Variants in TOP3B observed in about 807,000 individuals in gnomAD.
TOP3B encodes DNA topoisomerase III beta, also known as DNA topoisomerase 3-beta-1.
Under a neutral mutation model 93.9 loss-of-function variants are expected in TOP3B, and 45 were observed. The observed-to-expected ratio is 0.48, with a 90% CI of 0.38 to 0.61. TOP3B has a LOEUF of 0.61. Among genes scored for constraint, TOP3B ranks in the 20% least tolerant of loss-of-function variants. The pLI is 0.00. For missense variants in TOP3B, 750 were observed against 1,156.1 expected (o/e 0.65, Z 5.09); for synonymous variants, 357 against 472.6 (o/e 0.76, Z 3.17).
Position 21,982,157 on chromosome 22 carries a change from C to T in TOP3B, c.-99+573G>A, listed in dbSNP as rs1319468778. The T allele has an allele frequency of 2.0e-5, 3 of 152,132 alleles. No individual in the cohort carries two copies. In the East Asian group the frequency reaches 5.8e-4, roughly 29 times the overall value. The allele number at this position is 152,132 out of a possible 1,614,324, so 9.4% of individuals were successfully genotyped here. ...TAGGCTGGCCTCTCAGGTCCTGTTT[C>T]AAAAGGTGAGAAGATAAAAAGGCAA... On this transcript the variant is annotated intron_variant, in intron 1 of 17. Transcript: ENST00000357179.
intron 6 of TOP3B, chr22:21,968,980 A>G (rs1345828089): frequency 3.5e-6 from 2 of 569,410 alleles, no homozygotes; most frequent in East Asian, 2.9e-5. Context: ...CCAGTGAGAG[A>G]GGAGACAGAG....
intron 3 of TOP3B, 65 bp from the exon 4 acceptor site, chr22:21,972,783 G>A: frequency 2.2e-6 from 3 of 1,338,708 alleles, no homozygotes; most frequent in Non-Finnish European, 3.2e-6. Flanking sequence ...CATAACCCCA[G>A]GAGGATGTTG....
rs1209749410 is a variant in TOP3B at position 21,960,379 on chromosome 22, C to T, written c.1596G>A (p.Gly532=). Residue 532 remains glycine, a synonymous_variant, in exon 14 of 18, where the codon GGG becomes GGA. Transcript: ENST00000357179. ...CGAGGTTGGTGGGCTTGAGCCGGCG[C>T]CCGCTCTCCACCGTGACATAGTTGC... ...CQRNYVTVES[G]RRLKPTNLGI... 5 of 1,613,556 alleles carry T rather than the reference C, an allele frequency of 3.1e-6. No individual in the cohort carries two copies. In the East Asian group the frequency reaches 8.9e-5, roughly 29 times the overall value.
Position 21,962,734 on chromosome 22 carries a change from C to T in TOP3B, c.1351+13G>A. On this transcript the variant is annotated intron_variant, in intron 12 of 17. Transcript: ENST00000357179. ...GAAGGCACAGAGGAGGAAGGCTGGG[C>T]CCGTGGTGTGACCTGGTGAGAGGAC... The T allele has an allele frequency of 6.2e-7, 1 of 1,614,090 alleles. No homozygotes were observed. The highest frequency in any genetic ancestry group is 8.5e-7 in the Non-Finnish European group (1 of 1,179,992).
chr22:21,969,058 C>A, intron 6 of TOP3B: 1 of 362,588 alleles, frequency 2.8e-6, no homozygotes, highest in Non-Finnish European at 5.1e-6. Context: ...CCTCAGGACC[C>A]CCAGAGCACA....
Position 21,962,769 on chromosome 22 carries a change from G to A in TOP3B, c.1329C>T (p.Ser443=), listed in dbSNP as rs756273880. 1.4e-5 allele frequency: 22 copies of A among 1,614,036 alleles called. No homozygotes were observed. The highest frequency in any genetic ancestry group is 8.8e-5 in the South Asian group (8 of 91,082). Residue 443 remains serine (S), a synonymous_variant, in exon 12 of 18, where the codon TCC becomes TCT. Transcript: ENST00000357179. The part of the protein sequence containing the change: ...FRIGPELFTC[S]GKTVLSPGFT... ...GACCTGGTGAGAGGACGGTCTTCCCGGAGCAGGTGAAGAGCTCGGGCCCAA... is the reference window on the plus strand; with the variant it reads ...GACCTGGTGAGAGGACGGTCTTCCCAGAGCAGGTGAAGAGCTCGGGCCCAA...
chr22:21,974,531 G>A, intron 2 of TOP3B, 43 bp from the exon 3 acceptor site: 3 of 1,550,544 alleles, frequency 1.9e-6, no homozygotes, highest in South Asian at 1.2e-5. Context: ...CTTCAGCTGA[G>A]CTGAAGACCC....
chr22:21,973,700 G>C (rs2071741791), intron 3 of TOP3B: 1 of 152,212 alleles, frequency 6.6e-6, no homozygotes, highest in South Asian at 2.1e-4. Context: ...AAGAACAAGG[G>C]CTGAGGCTTT....
At position 21,970,944 on chromosome 22, in the gene TOP3B, C is replaced by T; in HGVS notation, c.385-538G>A. The T allele has an allele frequency of 8.5e-7, 1 of 1,169,818 alleles. No individual in the cohort carries two copies. The highest frequency in any genetic ancestry group is 1.6e-5 in the South Asian group (1 of 64,018). 72.5% of individuals were successfully genotyped at this position (1,169,818 alleles called of 1,614,324 possible). On this transcript the variant is annotated intron_variant, in intron 5 of 17. Coordinates refer to ENST00000357179, the MANE Select transcript of TOP3B (RefSeq NM_001282112.2). This position sits in a 1 kb window ranked among gnomAD's most constrained non-coding sequence, Gnocchi z 4.4. ...TAGCTTGTGGTGGGGGCAGCTCGGG[C>T]TAAAGCACAGCAGGGGTCCTGGAGC...
At chr22:21,958,087 T>C (rs1327129731) in intron 17 of TOP3B, 2 of 1,267,360 alleles carry the variant, frequency 1.6e-6, no homozygotes, top group Non-Finnish European at 2.0e-6. Flanking sequence ...CGGTGCTCTG[T>C]CCTGCCTGCC....
chr22:21,968,619 C>G lies in TOP3B; in HGVS notation c.738G>C (p.Lys246Asn), dbSNP rs371012381. ...KPETYWVLQA[K>N]VNTDKDRSLL... ...GCATGAATAGAGAAAGGCAAGGAAC[C>G]TTGGCCTGCAGCACCCAGTAGGTCT... Residue 246 changes from lysine (K) to asparagine (N), a missense_variant and splice_region_variant, in exon 7 of 18, where the codon AAG becomes AAC. Lys to Asn is a moderately conservative substitution (Grantham distance 94). Transcript: ENST00000357179. The G allele has an allele frequency of 1.2e-6, 2 of 1,614,008 alleles. No individual in the cohort carries two copies. The highest frequency in any genetic ancestry group is 2.7e-5 in the African/African-American group (2 of 74,926).
In TOP3B at chr22:21,960,596, C is replaced by T. The variant is rs2071132930; in HGVS notation, c.1526-147G>A. ...GAGGGAGGGCTGTGCCCTGAGCTCC[C>T]CCTGCACTGTGCTGGGCACCAACTG... is the stretch of plus-strand genomic sequence containing the variant. On this transcript the variant is annotated intron_variant, in intron 13 of 17. Coordinates refer to ENST00000357179, the MANE Select transcript of TOP3B (RefSeq NM_001282112.2). 12 of 1,097,568 alleles carry T rather than the reference C, an allele frequency of 1.1e-5. No individual in the cohort carries two copies. In the East Asian group the frequency reaches 1.8e-4, roughly 17 times the overall value. 68.0% of individuals were successfully genotyped at this position (1,097,568 alleles called of 1,614,324 possible). A position where few individuals can be genotyped will look rare whatever the true frequency, so the allele number is the denominator to read the frequency against.
intron 16 of TOP3B, 158 bp from the exon 17 acceptor site, chr22:21,958,851 G>A (rs2071042910): frequency 4.7e-6 from 6 of 1,268,888 alleles, no homozygotes; most frequent in South Asian, 1.6e-5. Flanking sequence ...TGCTCCACGC[G>A]TGCAGAAAAG....
intron 14 of TOP3B, 160 bp from the exon 15 acceptor site, chr22:21,959,896 G>C: frequency 9.9e-7 from 1 of 1,012,872 alleles, no homozygotes; most frequent in Non-Finnish European, 1.4e-6. Context: ...ATGGTACCAG[G>C]CTGGCTCTTA....
intron 3 of TOP3B, 177 bp from the exon 4 acceptor site, chr22:21,972,895 T>A (rs1386555659): frequency 9.8e-6 from 6 of 610,706 alleles, no homozygotes; most frequent in Non-Finnish European, 1.7e-5. Context: ...AGGCCTTTGG[T>A]AACCCCCTCC....
rs2071661434 is a variant in TOP3B, at chr22:21,972,028, G to T, written c.310-77C>A. ...ACCCGCCCCCAGTGCTCCCATCCAG[G>T]ACAGGGCTTGGTCCCAGGCCCTGAA... On this transcript the variant is annotated intron_variant, in intron 4 of 17. Coordinates refer to ENST00000357179, the MANE Select transcript of TOP3B (RefSeq NM_001282112.2). 3 of 1,333,590 alleles carry T rather than the reference G, an allele frequency of 2.2e-6. No individual in the cohort carries two copies. The Admixed American group carries it at 6.0e-5, about 27-fold the overall frequency. The allele number at this position is 1,333,590 out of a possible 1,614,324, so 82.6% of individuals were successfully genotyped here. A position where few individuals can be genotyped will look rare whatever the true frequency, so the allele number is the denominator to read the frequency against.
chr22:21,961,824 G>A (rs2071196752), intron 13 of TOP3B: 1 of 164,818 alleles, frequency 6.1e-6, no homozygotes, highest in Admixed American at 5.7e-5. Context: ...CCGGCAGTGA[G>A]GCTGGCCCCC....
At position 21,967,698 on chromosome 22, in the gene TOP3B, T is replaced by A; in HGVS notation, c.757A>T (p.Arg253Ter). 1 of 1,613,992 alleles carries A rather than the reference T, an allele frequency of 6.2e-7. No individual in the cohort carries two copies. The highest frequency in any genetic ancestry group is 1.3e-5 in the African/African-American group (1 of 75,062). ...LQAKVNTDKD[R>*]SLLLDWDRVR... ...CGGTCCCAGTCCAAAAGGAGAGATC[T>A]GTCTTTGTCAGTGTTAACCTGCAGG... Residue 253 changes from arginine to a stop codon, truncating the protein, a stop_gained, in exon 8 of 18, where the codon AGA becomes TGA. Transcript: ENST00000357179. LOFTEE classifies it high-confidence loss of function.
At chr22:21,976,632 A>C (rs2145879941) in intron 1 of TOP3B, 2 of 151,992 alleles carry the variant, frequency 1.3e-5, no homozygotes, top group South Asian at 2.1e-4. Context: ...ATTCCAACCC[A>C]CTCACATCAT....
Sources: allele counts gnomAD v4.1 joint callset, GRCh38; gene constraint gnomAD v4.1.1; non-coding constraint Gnocchi (gnomAD v3.1); transcripts MANE v1.5; gene names NCBI Gene and HGNC (gene_info 2026-07-23, HGNC 2026-07-21).